The following NSMCE2 variants were observed in gnomAD, a reference collection of about 807,000 sequenced individuals.
NSMCE2 encodes E3 SUMO-protein ligase NSE2.
Under a neutral mutation model 23.8 loss-of-function variants are expected in NSMCE2, and 24 were observed. That is an observed-to-expected ratio of 1.01 (90% CI 0.73 to 1.42). The LOEUF (loss-of-function observed/expected upper bound fraction) is 1.42, where lower values mean the gene tolerates loss of function less well. NSMCE2 is among the 40% of genes most tolerant of loss of function. The pLI is 0.00. For missense variants in NSMCE2, 284 were observed against 296.5 expected, an observed-to-expected ratio of 0.96 and a Z score of 0.31; for synonymous variants, 92 against 94.1, an observed-to-expected ratio of 0.98 and a Z score of 0.13.
intron 4 of NSMCE2, among the ~76,000 whole-genome samples, chr8:125,174,604 C>G (rs1449933457): frequency 6.6e-6 from 1 of 152,200 alleles, no homozygotes; most frequent in Non-Finnish European, 1.5e-5. Flanking sequence ...AGACAACTGT[C>G]TATTCTAATA....
At chr8:125,352,248 A>G (rs1813067327) in intron 5 of NSMCE2, among the ~76,000 whole-genome samples, 1 of 152,130 alleles carries the variant, frequency 6.6e-6, no homozygotes, top group Non-Finnish European at 1.5e-5. Context: ...TGGGAGGCCG[A>G]GGTGGGCAGA....
chr8:125,271,131 C>T (rs770224782), intron 5 of NSMCE2, among the ~76,000 whole-genome samples: 131 of 151,790 alleles, frequency 8.6e-4, no homozygotes, highest in Non-Finnish European at 1.0e-3. Context: ...CATGGTGGTG[C>T]GCACCTATAA....
chr8:125,340,757 T>A (rs939219360), intron 5 of NSMCE2, among the ~76,000 whole-genome samples: 1 of 152,216 alleles, frequency 6.6e-6, no homozygotes, highest in Admixed American at 6.5e-5. Context: ...TGAACCAGCT[T>A]TGTTCAGATG....
intron 5 of NSMCE2, among the ~76,000 whole-genome samples, chr8:125,222,244 T>A (rs188356019): frequency 6.2e-4 from 90 of 145,838 alleles, no homozygotes; most frequent in African/African-American, 2.5e-3. Flanking sequence ...TAAAATTTTT[T>A]AATTGAGAAA....
At chr8:125,286,945 C>T (rs775086154) in intron 5 of NSMCE2, among the ~76,000 whole-genome samples, 15 of 152,118 alleles carry the variant, frequency 9.9e-5, no homozygotes, top group Non-Finnish European at 2.1e-4. Flanking sequence ...CTTCAGTAGA[C>T]GCCAATTGGG....
chr8:125,119,302 G>C lies in NSMCE2; in HGVS notation c.157+16815G>C, dbSNP rs537336586. ...GCGTGTGTGGAAATAATTACTTGCT[G>C]TGTTCCCCTGTTTGCTAAGCTCTCC... On this transcript the variant is annotated intron_variant, in intron 3 of 7. Coordinates refer to ENST00000287437, the MANE Select transcript of NSMCE2 (RefSeq NM_173685.4). Among the ~76,000 whole-genome samples the C allele has an allele frequency of 5.3e-5, 8 of 152,276 alleles. No homozygotes were observed. In the South Asian group the frequency reaches 1.7e-3, roughly 32 times the overall value.
intron 5 of NSMCE2, among the ~76,000 whole-genome samples, chr8:125,280,970 C>T (rs1827667506): frequency 6.6e-6 from 1 of 152,232 alleles, no homozygotes. Flanking sequence ...AATGGTAGCA[C>T]AGCTGCACAG....
intron 5 of NSMCE2, among the ~76,000 whole-genome samples, chr8:125,308,453 G>A (rs181523031): frequency 3.9e-5 from 6 of 152,128 alleles, no homozygotes; most frequent in South Asian, 2.1e-4. Context: ...AGCATTTTAC[G>A]CTGTTCTGGT....
intron 5 of NSMCE2, among the ~76,000 whole-genome samples, chr8:125,207,935 T>C (rs1389193341): frequency 6.6e-6 from 1 of 152,178 alleles, no homozygotes; most frequent in Non-Finnish European, 1.5e-5. Flanking sequence ...ACAGTGTAAC[T>C]TTTGTCAGAC....
chr8:125,315,023 G>A (rs191312408), intron 5 of NSMCE2, among the ~76,000 whole-genome samples: 7 of 152,286 alleles, frequency 4.6e-5, no homozygotes. Flanking sequence ...ATATAATTAG[G>A]CACAAAGAAT....
At chr8:125,194,460 C>T (rs1563711190) in intron 5 of NSMCE2, among the ~76,000 whole-genome samples, 2 of 152,068 alleles carry the variant, frequency 1.3e-5, no homozygotes, top group African/African-American at 4.8e-5. Context: ...AGTATCTCAT[C>T]GCATGGATAT....
At chr8:125,205,981 T>G (rs926121606) in intron 5 of NSMCE2, among the ~76,000 whole-genome samples, 6 of 152,228 alleles carry the variant, frequency 3.9e-5, no homozygotes, top group Non-Finnish European at 5.9e-5. Context: ...TAGTCCAAAA[T>G]TTAAGTGTTT....
rs372995415 is a variant in NSMCE2, at chr8:125,102,519, C to T, written c.157+32C>T. ...AAAATTAAAACCTCTTTTGTGTCTA[C>T]TTTGAGGTAACACTGTGTGGTGGTA... On this transcript the variant is annotated intron_variant, in intron 3 of 7. Coordinates refer to ENST00000287437, the MANE Select transcript of NSMCE2 (RefSeq NM_173685.4). 3.8e-6 allele frequency: 6 copies of T among 1,575,616 alleles called. No homozygotes were observed. In the African/African-American group the frequency reaches 8.1e-5, roughly 21 times the overall value.
rs796879544 is a variant in NSMCE2 at position 125,122,172 on chromosome 8, CAA to C, written c.157+19707_157+19708del. Among the ~76,000 whole-genome samples the C allele has an allele frequency of 1.2e-3, 57 of 45,992 alleles. 1 individual carries two copies. The highest frequency in any genetic ancestry group is 5.5e-3 in the Admixed American group (31 of 5,624). The allele number at this position is 45,992 out of a possible 152,430, so 30.2% of individuals were successfully genotyped here. On this transcript the variant is annotated intron_variant, in intron 3 of 7. Coordinates refer to ENST00000287437, the MANE Select transcript of NSMCE2 (RefSeq NM_173685.4). ...GACTTAGAAGGTTCTCTGGCTGAGCCAAAAAAAAAAAAAAAAAAAAAAATGCT... is the reference window on the plus strand; with the variant it reads ...GACTTAGAAGGTTCTCTGGCTGAGCCAAAAAAAAAAAAAAAAAAAAATGCT...
intron 5 of NSMCE2, among the ~76,000 whole-genome samples, chr8:125,217,658 G>A (rs983950722): frequency 1.4e-4 from 22 of 152,192 alleles, no homozygotes; most frequent in Non-Finnish European, 2.6e-4. Flanking sequence ...GAGCCACCGC[G>A]CCTGGCCCTG....
intron 3 of NSMCE2, among the ~76,000 whole-genome samples, chr8:125,115,508 T>C (rs1052673900): frequency 2.0e-5 from 3 of 152,224 alleles, no homozygotes; most frequent in African/African-American, 4.8e-5. Context: ...CCCAGCACTT[T>C]GGAAGGCCAA....
intron 5 of NSMCE2, among the ~76,000 whole-genome samples, chr8:125,205,006 A>G (rs1044633262): frequency 6.6e-6 from 1 of 152,094 alleles, no homozygotes; most frequent in Non-Finnish European, 1.5e-5. Flanking sequence ...CCAGGCTCCT[A>G]TTTCACTTTC....
chr8:125,239,210 G>C (rs193122672), intron 5 of NSMCE2, among the ~76,000 whole-genome samples: 9 of 152,126 alleles, frequency 5.9e-5, no homozygotes, highest in African/African-American at 2.2e-4. Flanking sequence ...GGTTGCATCA[G>C]AACACTCAAA....
At chr8:125,366,482 G>A (rs887108331) in intron 7 of NSMCE2, among the ~76,000 whole-genome samples, 1 of 152,076 alleles carries the variant, frequency 6.6e-6, no homozygotes, top group Non-Finnish European at 1.5e-5. Context: ...GGAGCTTGCA[G>A]TGAGCCAGGA....
Sources: allele counts gnomAD v4.1 joint callset (sites outside exome capture counted in the v4.1 genomes callset), GRCh38; gene constraint gnomAD v4.1.1; transcripts MANE v1.5; gene names NCBI Gene and HGNC (gene_info 2026-07-23, HGNC 2026-07-21).